CNIH4: variants seen among roughly 807,000 people sequenced by gnomAD.
CNIH4 encodes the protein cornichon family member 4, also known as protein cornichon homolog 4.
CNIH4 carries 9 observed loss-of-function variants against 21.5 expected under a neutral mutation model. The observed-to-expected ratio is 0.42, with a 90% CI of 0.25 to 0.73. The LOEUF (loss-of-function observed/expected upper bound fraction) is 0.73, where lower values mean the gene tolerates loss of function less well. CNIH4 is among the 30% of genes least tolerant of loss of function. CNIH4 has a pLI of 0.27. For missense variants in CNIH4, 159 were observed against 170.0 expected (o/e 0.94, Z 0.36); for synonymous variants, 67 against 59.1 (o/e 1.13, Z -0.61).
Position 224,371,441 on chromosome 1 carries a change from G to T in CNIH4, c.392+18G>T. 1 of 1,604,208 alleles carries T rather than the reference G, an allele frequency of 6.2e-7. No individual in the cohort carries two copies. The highest frequency in any genetic ancestry group is 8.5e-7 in the Non-Finnish European group (1 of 1,175,674). On this transcript the variant is annotated intron_variant, in intron 4 of 4. Transcript: ENST00000465271. ...CTTTATAGGTGAGTTTAAAGTCCTG[G>T]TATTTTCCTAGATGCCATATTTGTT...
intron 3 of CNIH4, among the ~76,000 whole-genome samples, chr1:224,366,423 C>G (rs930634791): frequency 6.6e-6 from 1 of 151,946 alleles, no homozygotes; most frequent in Non-Finnish European, 1.5e-5. Context: ...TTGATCTCAG[C>G]TCACTGCAAC....
At position 224,371,200 on chromosome 1, in the gene CNIH4, G is replaced by A. The variant is rs1412936718; in HGVS notation, c.252-83G>A. 7.7e-6 allele frequency: 11 copies of A among 1,429,608 alleles called. No individual in the cohort carries two copies. In the African/African-American group the frequency reaches 8.5e-5, roughly 11 times the overall value. 88.6% of individuals were successfully genotyped at this position (1,429,608 alleles called of 1,614,324 possible). A position where few individuals can be genotyped will look rare whatever the true frequency, so the allele number is the denominator to read the frequency against. ...CCTGATTGGTTCACTTTTAAAAGTC[G>A]ATTATTATTGGCTACTTATATTTGA... On this transcript the variant is annotated intron_variant, in intron 3 of 4. Transcript: ENST00000465271.
intron 2 of CNIH4, among the ~76,000 whole-genome samples, chr1:224,361,055 G>T (rs1672272269): frequency 6.6e-6 from 1 of 151,420 alleles, no homozygotes. Flanking sequence ...AGGCTCAAGT[G>T]ATCTGCCTCG....
In CNIH4 at chr1:224,378,600, G is replaced by C. The variant is rs1672843007; in HGVS notation, c.*2778G>C. 9.7e-6 allele frequency: 1 copy of C among 102,580 alleles called. No homozygotes were observed. Among genetic ancestry groups the C allele is most frequent in the African/African-American group, 3.8e-5 (1 of 25,980 alleles). The allele number at this position is 102,580 out of a possible 1,614,324, so 6.4% of individuals were successfully genotyped here. ...AGAGATCGTTCAGGGTGTTGTAACT[G>C]GGAACATCTGAATGCTGAGGCCTAG... On this transcript the variant is annotated 3_prime_UTR_variant, in exon 5 of 5. Coordinates refer to ENST00000465271, the MANE Select transcript of CNIH4 (RefSeq NM_014184.4).
chr1:224,366,343 T>TTG (rs1672452533), intron 3 of CNIH4, among the ~76,000 whole-genome samples: 1 of 148,668 alleles, frequency 6.7e-6, no homozygotes, highest in African/African-American at 2.5e-5. Flanking sequence ...AAAAAAGGTG[T>TTG]TTAAGAGCTT....
Position 224,379,171 on chromosome 1 carries a change from C to T in CNIH4, c.*3349C>T. 6.9e-7 allele frequency: 1 copy of T among 1,448,324 alleles called. No homozygotes were observed. The highest frequency in any genetic ancestry group is 2.5e-5 in the East Asian group (1 of 40,404). 89.7% of individuals were successfully genotyped at this position (1,448,324 alleles called of 1,614,324 possible). A position where few individuals can be genotyped will look rare whatever the true frequency, so the allele number is the denominator to read the frequency against. On this transcript the variant is annotated 3_prime_UTR_variant, in exon 5 of 5. Coordinates refer to ENST00000465271, the MANE Select transcript of CNIH4 (RefSeq NM_014184.4). ...TTCATCAAAGCCTAGCAGGTCCCCT[C>T]AGCTGCCTTTTCATGCCTGCCACAG...
chr1:224,357,332 G>A (rs761718124), intron 1 of CNIH4: 15 of 235,662 alleles, frequency 6.4e-5, no homozygotes, highest in Non-Finnish European at 1.1e-4. Flanking sequence ...AGCCCTGCCT[G>A]AGCCACGGCC....
intron 2 of CNIH4, among the ~76,000 whole-genome samples, chr1:224,363,699 T>C (rs1288179554): frequency 6.6e-6 from 1 of 152,216 alleles, no homozygotes; most frequent in Non-Finnish European, 1.5e-5. Context: ...TCCTTTCTTT[T>C]TTTCCCCCCA....
intron 3 of CNIH4, among the ~76,000 whole-genome samples, chr1:224,366,996 C>G (rs952266609): frequency 6.7e-6 from 1 of 150,358 alleles, no homozygotes; most frequent in African/African-American, 2.4e-5. Context: ...AATTAGGTAA[C>G]TAATCAAAAT....
In CNIH4 at chr1:224,376,103, C is replaced by CT. The variant is rs1171341903; in HGVS notation, c.*282dup. 8.7e-7 allele frequency: 1 copy of CT among 1,145,310 alleles called. No homozygotes were observed. The highest frequency in any genetic ancestry group is 4.4e-5 in the East Asian group (1 of 22,692). 70.9% of individuals were successfully genotyped at this position (1,145,310 alleles called of 1,614,324 possible). On this transcript the variant is annotated 3_prime_UTR_variant, in exon 5 of 5. Coordinates refer to ENST00000465271, the MANE Select transcript of CNIH4 (RefSeq NM_014184.4). ...TGGTTATTTGTATGTAGGAACAGGA[C>CT]TGCCATCCCAGCTTTGCATGCCAAA...
chr1:224,371,668 CA>C (rs1297355181), intron 4 of CNIH4, among the ~76,000 whole-genome samples: 1 of 152,170 alleles, frequency 6.6e-6, no homozygotes, highest in Non-Finnish European at 1.5e-5. Flanking sequence ...TAAAACAGGG[CA>C]CGGTGACTTA....
At chr1:224,370,784 C>G (rs1350623776) in intron 3 of CNIH4, among the ~76,000 whole-genome samples, 1 of 151,826 alleles carries the variant, frequency 6.6e-6, no homozygotes, top group Non-Finnish European at 1.5e-5. Flanking sequence ...AGTATTATAA[C>G]TTTCAAAAGG....
intron 2 of CNIH4, among the ~76,000 whole-genome samples, chr1:224,362,333 C>CA (rs1257278032): frequency 6.6e-6 from 1 of 151,606 alleles, no homozygotes; most frequent in Non-Finnish European, 1.5e-5. Context: ...CTGCCCGCCT[C>CA]AGCCTCCCAA....
At chr1:224,365,689 T>G (rs965350321) in intron 2 of CNIH4, among the ~76,000 whole-genome samples, 190 bp from the exon 3 acceptor site, 4 of 152,262 alleles carry the variant, frequency 2.6e-5, no homozygotes, top group Non-Finnish European at 5.9e-5. Context: ...TATTTTTAAG[T>G]TGTGCCCTGA....
intron 2 of CNIH4, chr1:224,364,159 G>T (rs927615306): frequency 3.1e-6 from 3 of 982,750 alleles, no homozygotes; most frequent in Non-Finnish European, 3.6e-6. Context: ...AGGCCGAGGA[G>T]GGAGAATCAC....
intron 1 of CNIH4, 73 bp from the exon 2 acceptor site, chr1:224,360,421 TG>T: frequency 1.4e-6 from 1 of 737,276 alleles, no homozygotes; most frequent in South Asian, 2.3e-5. Flanking sequence ...GCCTTGTAAC[TG>T]GGATTGCTTT....
Position 224,379,192 on chromosome 1 carries a change from C to T in CNIH4, c.*3370C>T. 8.2e-7 allele frequency: 1 copy of T among 1,220,428 alleles called. No homozygotes were observed. The highest frequency in any genetic ancestry group is 1.5e-5 in the African/African-American group (1 of 66,786). The allele number at this position is 1,220,428 out of a possible 1,614,324, so 75.6% of individuals were successfully genotyped here. A position where few individuals can be genotyped will look rare whatever the true frequency, so the allele number is the denominator to read the frequency against. On this transcript the variant is annotated 3_prime_UTR_variant, in exon 5 of 5. Coordinates refer to ENST00000465271, the MANE Select transcript of CNIH4 (RefSeq NM_014184.4). ...CCCTCAGCTGCCTTTTCATGCCTGC[C>T]ACAGACTACAGTAGGACAAAACCTG...
intron 1 of CNIH4, 160 bp downstream of exon 1, chr1:224,357,153 G>A (rs896327846): frequency 1.3e-6 from 1 of 741,884 alleles, no homozygotes; most frequent in African/African-American, 1.8e-5. Flanking sequence ...GGGCCCCGGA[G>A]CGGGTAGGAG....
chr1:224,358,511 C>T (rs965187468), intron 1 of CNIH4, among the ~76,000 whole-genome samples: 3 of 152,214 alleles, frequency 2.0e-5, no homozygotes, highest in Non-Finnish European at 2.9e-5. Context: ...GCATGTGGTC[C>T]AGGACAGCTT....
Sources: gnomAD v4.1 joint callset for allele counts (sites outside exome capture counted in the v4.1 genomes callset) on GRCh38, gnomAD v4.1.1 for gene constraint, MANE v1.5 for transcripts, NCBI Gene and HGNC (gene_info 2026-07-23, HGNC 2026-07-21) for gene names.